Variants in CHFR observed in about 807,000 individuals in gnomAD.
CHFR encodes E3 ubiquitin-protein ligase CHFR.
A neutral mutation model predicts 87.6 loss-of-function variants in CHFR; 57 were observed. That is an observed-to-expected ratio of 0.65 (90% CI 0.53 to 0.81). The LOEUF (loss-of-function observed/expected upper bound fraction) is 0.81, where lower values mean the gene tolerates loss of function less well. Ranked by LOEUF, CHFR falls within the 30% of genes least tolerant of loss-of-function variation. The pLI is 0.00. For synonymous variants in CHFR, 381 were observed against 359.2 expected, an observed-to-expected ratio of 1.06 and a Z score of -0.69; for missense variants, 797 against 865.8, an observed-to-expected ratio of 0.92 and a Z score of 1.00.
intron 6 of CHFR, among the ~76,000 whole-genome samples, chr12:132,864,117 T>C (rs925808742): frequency 6.6e-6 from 1 of 151,848 alleles, no homozygotes; most frequent in Admixed American, 6.6e-5. Context: ...ACTTAGTTTA[T>C]CATATTACAG....
chr12:132,887,418 C>T, intron 1 of CHFR, 78 bp from the exon 2 acceptor site: 1 of 1,126,790 alleles, frequency 8.9e-7, no homozygotes, highest in African/African-American at 1.6e-5. Context: ...ACCCCGCGGG[C>T]CCCGGCCCGG....
intron 3 of CHFR, among the ~76,000 whole-genome samples, chr12:132,874,857 C>T (rs117485838): frequency 6.6e-6 from 1 of 150,406 alleles, no homozygotes; most frequent in East Asian, 2.0e-4. Context: ...TGCAGGGAAC[C>T]CAGGCCCTGG....
chr12:132,855,665 C>CA (rs986682846), intron 10 of CHFR, among the ~76,000 whole-genome samples: 24 of 140,174 alleles, frequency 1.7e-4, no homozygotes, highest in African/African-American at 4.8e-4. Context: ...CACTCCATCT[C>CA]AAAAAAAAAA....
chr12:132,884,427 T>A (rs1416741450), intron 2 of CHFR, among the ~76,000 whole-genome samples: 3 of 139,594 alleles, frequency 2.1e-5, no homozygotes, highest in Admixed American at 7.2e-5. Context: ...AAAAAAAAAA[T>A]ACATATATAT....
Position 132,848,727 on chromosome 12 carries a change from G to A in CHFR, c.1493-3C>T. On this transcript the variant is annotated splice_region_variant and splice_polypyrimidine_tract_variant and intron_variant, in intron 12 of 17. Transcript: ENST00000450056. Reference sequence around the variant, plus strand: ...GAAAGGCTGCAGGCAGACCGCACCTGTGGAGAGAGGACACTCGTTACACGC... The same window carrying A: ...GAAAGGCTGCAGGCAGACCGCACCTATGGAGAGAGGACACTCGTTACACGC... The A allele has an allele frequency of 6.3e-7, 1 of 1,577,606 alleles. No homozygotes were observed. Among genetic ancestry groups the A allele is most frequent in the Non-Finnish European group, 8.6e-7 (1 of 1,161,250 alleles).
At chr12:132,863,493 A>T (rs1951263654) in intron 6 of CHFR, among the ~76,000 whole-genome samples, 1 of 152,094 alleles carries the variant, frequency 6.6e-6, no homozygotes, top group Non-Finnish European at 1.5e-5. Context: ...CAGTAAGATC[A>T]AAATTCCGTC....
intron 3 of CHFR, among the ~76,000 whole-genome samples, chr12:132,876,663 T>A (rs546938165): frequency 6.6e-6 from 1 of 152,316 alleles, no homozygotes; most frequent in Non-Finnish European, 1.5e-5. Context: ...TGAGACATAC[T>A]TAATTTGAAT....
Position 132,862,310 on chromosome 12 carries a change from G to C in CHFR, c.584-676C>G, listed in dbSNP as rs867311286. On this transcript the variant is annotated intron_variant, in intron 6 of 17. Coordinates refer to ENST00000450056, the MANE Select transcript of CHFR (RefSeq NM_001161346.2). ...AAATAAAAATAAAAAATAGAGGTCTGAGGCTGGGCATGGGGCTCACACCTG... is the reference window on the plus strand; with the variant it reads ...AAATAAAAATAAAAAATAGAGGTCTCAGGCTGGGCATGGGGCTCACACCTG... The C allele has an allele frequency of 8.8e-5, 25 of 282,908 alleles. No homozygotes were observed. In the Middle Eastern group the frequency reaches 0.012, roughly 132 times the overall value. 17.5% of individuals were successfully genotyped at this position (282,908 alleles called of 1,614,324 possible).
intron 6 of CHFR, among the ~76,000 whole-genome samples, chr12:132,864,622 G>GGGATTACA (rs1160518902): frequency 2.6e-5 from 4 of 152,092 alleles, no homozygotes; most frequent in Admixed American, 2.6e-4. Flanking sequence ...CCGAGTAGCT[G>GGGATTACA]GGATTACAGG....
At chr12:132,874,923 T>C (rs1450113571) in intron 3 of CHFR, among the ~76,000 whole-genome samples, 4 of 98,022 alleles carry the variant, frequency 4.1e-5, no homozygotes, top group South Asian at 3.5e-4. Flanking sequence ...GGCCCTGATG[T>C]AGGCGGGAAA....
chr12:132,881,730 T>C (rs1037248325), intron 2 of CHFR, among the ~76,000 whole-genome samples: 3 of 152,000 alleles, frequency 2.0e-5, no homozygotes, highest in Non-Finnish European at 2.9e-5. Context: ...TAGCCGGGCA[T>C]GGTGGCACGT....
chr12:132,874,920 A>C (rs1593518653), intron 3 of CHFR, among the ~76,000 whole-genome samples: 1 of 137,490 alleles, frequency 7.3e-6, no homozygotes. Context: ...CCAGGCCCTG[A>C]TGTAGGCGGG....
In CHFR at chr12:132,841,444, G is replaced by T; in HGVS notation, c.*110C>A. 1 of 952,522 alleles carries T rather than the reference G, an allele frequency of 1.0e-6. No homozygotes were observed. The highest frequency in any genetic ancestry group is 1.7e-6 in the Non-Finnish European group (1 of 582,078). The allele number at this position is 952,522 out of a possible 1,614,324, so 59.0% of individuals were successfully genotyped here. A position where few individuals can be genotyped will look rare whatever the true frequency, so the allele number is the denominator to read the frequency against. ...CCAGAGCACCTGTCGGAGACCCTGC[G>T]TCCCTTCCCTCAGGGGGCTGTGAAA... On this transcript the variant is annotated 3_prime_UTR_variant, in exon 18 of 18. Transcript: ENST00000450056.
chr12:132,876,699 AAAGTGTCACT>A (rs773913714), intron 3 of CHFR, among the ~76,000 whole-genome samples: 23 of 152,366 alleles, frequency 1.5e-4, no homozygotes, highest in African/African-American at 5.3e-4. Flanking sequence ...CATAGACACC[AAAGTGTCACT>A]AAGTGTCCCA....
At chr12:132,856,253 C>T (rs113473501) in intron 10 of CHFR, among the ~76,000 whole-genome samples, 11 of 152,182 alleles carry the variant, frequency 7.2e-5, no homozygotes, top group Non-Finnish European at 7.3e-5. Context: ...CTGGCTACCC[C>T]GCTAAGTGTT....
chr12:132,886,930 T>C (rs771852344), intron 2 of CHFR, among the ~76,000 whole-genome samples: 11 of 152,250 alleles, frequency 7.2e-5, no homozygotes, highest in Non-Finnish European at 1.5e-4. Context: ...GAAAAGATAC[T>C]CTGTACGGCA....
intron 5 of CHFR, 141 bp from the exon 6 acceptor site, chr12:132,869,939 T>A: frequency 1.0e-6 from 1 of 968,500 alleles, no homozygotes; most frequent in Non-Finnish European, 1.5e-6. Flanking sequence ...CCAGGCACGG[T>A]GGTGCAGGCC....
chr12:132,874,725 C>T (rs1177446955), intron 3 of CHFR, among the ~76,000 whole-genome samples: 2 of 150,088 alleles, frequency 1.3e-5, no homozygotes, highest in South Asian at 2.1e-4. Context: ...CAGGAAGGCC[C>T]GGGACCAGCA....
At chr12:132,856,013 C>T (rs907937051) in intron 10 of CHFR, among the ~76,000 whole-genome samples, 2 of 152,138 alleles carry the variant, frequency 1.3e-5, no homozygotes, top group African/African-American at 4.8e-5. Flanking sequence ...TCTGTAATAA[C>T]GTCCTGACAA....
Sources: allele counts gnomAD v4.1 joint callset (sites outside exome capture counted in the v4.1 genomes callset), GRCh38; gene constraint gnomAD v4.1.1; transcripts MANE v1.5; gene names NCBI Gene and HGNC (gene_info 2026-07-23, HGNC 2026-07-21).